SIL1: variants seen among roughly 807,000 people sequenced by gnomAD.
SIL1 encodes SIL1 nucleotide exchange factor, also known as nucleotide exchange factor SIL1.
A neutral mutation model predicts 49.1 loss-of-function variants in SIL1; 40 were observed. That is an observed-to-expected ratio of 0.81 (90% confidence interval 0.63 to 1.06). SIL1 has a LOEUF of 1.06. Ranked by LOEUF, SIL1 falls within the 50% of genes least tolerant of loss-of-function variation. The probability of loss-of-function intolerance (pLI) is 0.00; values close to 1 mark genes in which losing one functional copy is unlikely to be tolerated. For missense variants in SIL1, 500 were observed against 572.6 expected, an observed-to-expected ratio of 0.87 and a Z score of 1.29; for synonymous variants, 253 against 250.8, an observed-to-expected ratio of 1.01 and a Z score of -0.08.
intron 6 of SIL1, among the ~76,000 whole-genome samples, chr5:139,024,405 G>C (rs887605884): frequency 6.6e-6 from 1 of 152,176 alleles, no homozygotes; most frequent in Non-Finnish European, 1.5e-5. Flanking sequence ...CTGAGAAAGA[G>C]TTATGAGCAG....
intron 7 of SIL1, among the ~76,000 whole-genome samples, chr5:139,017,908 A>C (rs374844242): frequency 1.3e-5 from 2 of 152,168 alleles, no homozygotes; most frequent in South Asian, 4.1e-4. Context: ...AAGGCCAATG[A>C]AAGTATTTAC....
intron 1 of SIL1, chr5:139,137,268 G>A: frequency 1.4e-6 from 1 of 701,184 alleles, no homozygotes. Context: ...CCTCTGAGGT[G>A]GTTCCAATAT....
At chr5:139,077,170 C>A (rs1360858767) in intron 3 of SIL1, among the ~76,000 whole-genome samples, 1 of 152,138 alleles carries the variant, frequency 6.6e-6, no homozygotes, top group East Asian at 1.9e-4. Context: ...CCACCTCTGA[C>A]CCTGCCCCAG....
At chr5:139,093,098 C>T (rs927600790) in intron 3 of SIL1, among the ~76,000 whole-genome samples, 1 of 152,140 alleles carries the variant, frequency 6.6e-6, no homozygotes, top group African/African-American at 2.4e-5. Context: ...GGAGTCCAGC[C>T]CAGGCAACAT....
intron 7 of SIL1, among the ~76,000 whole-genome samples, chr5:138,963,332 T>G (rs1002507568): frequency 1.3e-5 from 2 of 152,178 alleles, no homozygotes; most frequent in Non-Finnish European, 2.9e-5. Flanking sequence ...TCACCCTCCT[T>G]GTGTTCTGTC....
chr5:139,042,065 C>T (rs181400928), intron 5 of SIL1, among the ~76,000 whole-genome samples: 131 of 152,298 alleles, frequency 8.6e-4, no homozygotes, highest in Admixed American at 2.5e-3. Flanking sequence ...CCTCTCATTC[C>T]CTTAGCTTGT....
At chr5:139,190,586 G>A (rs566763692) in intron 1 of SIL1, among the ~76,000 whole-genome samples, 20 of 152,262 alleles carry the variant, frequency 1.3e-4, no homozygotes, top group African/African-American at 4.8e-4. Context: ...TAACACTAGA[G>A]TCCCACTATT....
chr5:139,031,735 C>G (rs1267948496), intron 5 of SIL1, among the ~76,000 whole-genome samples: 1 of 152,206 alleles, frequency 6.6e-6, no homozygotes, highest in East Asian at 1.9e-4. Context: ...TCCATGGACA[C>G]AGTGTGTCAC....
At chr5:139,011,335 C>T (rs1277405207) in intron 7 of SIL1, among the ~76,000 whole-genome samples, 2 of 140,568 alleles carry the variant, frequency 1.4e-5, no homozygotes, top group Non-Finnish European at 3.2e-5. Context: ...GCACCGTGCG[C>T]GCACCCACTG....
At chr5:138,972,858 C>T (rs1767310759) in intron 7 of SIL1, among the ~76,000 whole-genome samples, 1 of 152,150 alleles carries the variant, frequency 6.6e-6, no homozygotes, top group Non-Finnish European at 1.5e-5. Context: ...AGGGTAAAAC[C>T]CTGGGTCCAC....
intron 7 of SIL1, among the ~76,000 whole-genome samples, chr5:138,985,078 C>T (rs1030839643): frequency 6.6e-6 from 1 of 152,230 alleles, no homozygotes; most frequent in African/African-American, 2.4e-5. Flanking sequence ...GCTCTTATCT[C>T]TATAGCATCC....
chr5:139,031,676 C>T (rs1768796192), intron 5 of SIL1, among the ~76,000 whole-genome samples: 1 of 152,168 alleles, frequency 6.6e-6, no homozygotes, highest in Admixed American at 6.5e-5. Flanking sequence ...TTGCACTAAA[C>T]TTATACATTC....
At chr5:139,076,747 C>T (rs890951700) in intron 3 of SIL1, among the ~76,000 whole-genome samples, 1 of 152,130 alleles carries the variant, frequency 6.6e-6, no homozygotes. Flanking sequence ...AAACCAATTC[C>T]CCTTCTATTG....
At chr5:139,172,822 C>G (rs1426664915) in intron 1 of SIL1, among the ~76,000 whole-genome samples, 1 of 152,162 alleles carries the variant, frequency 6.6e-6, no homozygotes, top group Non-Finnish European at 1.5e-5. Context: ...AAAACACCAG[C>G]TGGTCCCAGA....
rs1751660577 is a variant in SIL1 at position 139,168,080 on chromosome 5, A to G, written c.-11+30189T>C. Among the ~76,000 whole-genome samples, 4 of 152,198 alleles carry G rather than the reference A, an allele frequency of 2.6e-5. No homozygotes were observed. The South Asian group carries it at 6.2e-4, about 24-fold the overall frequency. On this transcript the variant is annotated intron_variant, in intron 1 of 9. Coordinates refer to ENST00000394817, the MANE Select transcript of SIL1 (RefSeq NM_022464.5). ...GCTTACCATTGTGTTACAATTGTCT[A>G]TAATATTGAGTACAGTAGCAAGCTG...
chr5:139,131,933 G>T (rs1750873249), intron 1 of SIL1, among the ~76,000 whole-genome samples: 1 of 152,096 alleles, frequency 6.6e-6, no homozygotes. Context: ...GGGAGAAAAA[G>T]AATAAAGAAT....
chr5:139,000,771 A>T (rs1463683843), intron 7 of SIL1, among the ~76,000 whole-genome samples: 1 of 152,196 alleles, frequency 6.6e-6, no homozygotes, highest in Non-Finnish European at 1.5e-5. Flanking sequence ...CAAAAGCAAC[A>T]TAAGCAATGT....
intron 1 of SIL1, among the ~76,000 whole-genome samples, chr5:139,191,475 T>C (rs1581162232): frequency 6.6e-6 from 1 of 152,166 alleles, no homozygotes; most frequent in Middle Eastern, 3.4e-3. Flanking sequence ...TAAAGAAATG[T>C]CCATTTAAAA....
At chr5:138,960,612 TTTTG>T (rs1198262710) in intron 7 of SIL1, among the ~76,000 whole-genome samples, 34 of 151,388 alleles carry the variant, frequency 2.2e-4, no homozygotes, top group African/African-American at 7.3e-4. Flanking sequence ...TTTGTTTTGT[TTTTG>T]TTTTTGTTTT....
Sources: allele counts gnomAD v4.1 joint callset (sites outside exome capture counted in the v4.1 genomes callset), GRCh38; gene constraint gnomAD v4.1.1; transcripts MANE v1.5; gene names NCBI Gene and HGNC (gene_info 2026-07-23, HGNC 2026-07-21).